The following GRK7 variants were observed in gnomAD, a reference collection of about 807,000 sequenced individuals.
GRK7 encodes the protein G protein-coupled receptor kinase 7.
Under a neutral mutation model 34.1 loss-of-function variants are expected in GRK7, and 24 were observed. The ratio of observed to expected loss-of-function variants is 0.70; its 90% CI spans 0.51 to 0.99. GRK7 has a LOEUF of 0.99. GRK7 is among the 50% of genes least tolerant of loss of function. The pLI, the probability that GRK7 is intolerant of heterozygous loss-of-function variation, is 0.00. For missense variants in GRK7, 644 were observed against 707.3 expected (o/e 0.91, Z 1.02); for synonymous variants, 256 against 279.4 (o/e 0.92, Z 0.84).
Position 141,793,663 on chromosome 3 carries a change from T to C in GRK7, c.1050+12852T>C, listed in dbSNP as rs144118429. 5.0e-3 allele frequency among the ~76,000 whole-genome samples: 757 copies of C among 152,132 alleles called. 1 individual carries two copies. The highest frequency in any genetic ancestry group is 0.017 in the African/African-American group (725 of 41,500). On this transcript the variant is annotated intron_variant, in intron 4 of 5. Transcript: ENST00000682958. ...TAAGGATGCAGTCAGTGACTGTGAGTAGCTGCCAGAAGGGGGCGGAAGCCT... is the reference window on the plus strand; with the variant it reads ...TAAGGATGCAGTCAGTGACTGTGAGCAGCTGCCAGAAGGGGGCGGAAGCCT...
chr3:141,785,214 T>C (rs1418064561), intron 4 of GRK7, among the ~76,000 whole-genome samples: 2 of 152,208 alleles, frequency 1.3e-5, no homozygotes, highest in Non-Finnish European at 2.9e-5. Flanking sequence ...CATCATGGCT[T>C]TGGAAATTTG....
rs1211610869 is a variant in GRK7, at chr3:141,806,946, G to A, written c.1051-699G>A. ...CTTATATATAGAAATAAATATGTAT[G>A]TATATATATAAAGTGAATATGTATA... On this transcript the variant is annotated intron_variant, in intron 4 of 5. Coordinates refer to ENST00000682958, the MANE Select transcript of GRK7 (RefSeq NM_139209.3). Among the ~76,000 whole-genome samples, 7 of 151,654 alleles carry A rather than the reference G, an allele frequency of 4.6e-5. No homozygotes were observed. The East Asian group carries it at 1.4e-3, about 29-fold the overall frequency.
chr3:141,812,589 C>G (rs1252204787), intron 5 of GRK7, among the ~76,000 whole-genome samples: 5 of 152,210 alleles, frequency 3.3e-5, no homozygotes, highest in Admixed American at 3.3e-4. Flanking sequence ...CCTCCAGGGG[C>G]ATCTAGTTGG....
intron 4 of GRK7, 22 bp from the exon 5 acceptor site, chr3:141,807,622 GT>G: frequency 6.2e-7 from 1 of 1,609,084 alleles, no homozygotes. Context: ...GTGTTGTCTT[GT>G]TTTTTGTTTG....
chr3:141,807,771 G>A lies in GRK7; in HGVS notation c.1177G>A (p.Asp393Asn). 6.2e-7 allele frequency: 1 copy of A among 1,614,206 alleles called. No homozygotes were observed. The highest frequency in any genetic ancestry group is 8.5e-7 in the Non-Finnish European group (1 of 1,180,032). The change falls in exon 5 of 6, where the codon GAT becomes AAT. Residue 393 changes from aspartate (D) to asparagine (N), a missense_variant. Physicochemically the swap from Asp to Asn is conservative, Grantham distance 23 (BLOSUM62 1). Coordinates refer to ENST00000682958, the MANE Select transcript of GRK7 (RefSeq NM_139209.3). Reference sequence around the variant, plus strand: ...GGTTGCTGGACGAACACCATTCAAAGATTACAAGGAAAAGGTCAGTAAAGA... The same window carrying A: ...GGTTGCTGGACGAACACCATTCAAAAATTACAAGGAAAAGGTCAGTAAAGA... ...EMVAGRTPFKDYKEKVSKEDL... is the reference protein window; with the variant it reads ...EMVAGRTPFKNYKEKVSKEDL...
rs1711052824 is a variant in GRK7, at chr3:141,807,851, C to T, written c.1257C>T (p.Phe419=). 6.2e-7 allele frequency: 1 copy of T among 1,612,594 alleles called. No homozygotes were observed. The highest frequency in any genetic ancestry group is 2.2e-5 in the East Asian group (1 of 44,858). Reference sequence around the variant, plus strand: ...AGGTCAAATTCCAGCATGATAACTTCACAGAGGAAGCAAAAGATATTTGCA... The same window carrying T: ...AGGTCAAATTCCAGCATGATAACTTTACAGAGGAAGCAAAAGATATTTGCA... ...QDEVKFQHDN[F]TEEAKDICRL... Residue 419 remains phenylalanine (F), a synonymous_variant, in exon 5 of 6, where the codon TTC becomes TTT. Transcript: ENST00000682958.
chr3:141,781,194 A>G (rs1475768913), intron 4 of GRK7, among the ~76,000 whole-genome samples: 1 of 152,098 alleles, frequency 6.6e-6, no homozygotes, highest in Non-Finnish European at 1.5e-5. Context: ...AAGGGGCTGG[A>G]CCCTAAAATT....
At chr3:141,795,156 A>G (rs2084742824) in intron 4 of GRK7, among the ~76,000 whole-genome samples, 1 of 152,220 alleles carries the variant, frequency 6.6e-6, no homozygotes, top group Non-Finnish European at 1.5e-5. Flanking sequence ...ATGAAGCCAG[A>G]CAGGTAAAGA....
In GRK7 at chr3:141,816,934, G is replaced by A; in HGVS notation, c.1546G>A (p.Ala516Thr). The A allele has an allele frequency of 6.2e-7, 1 of 1,614,102 alleles. No individual in the cohort carries two copies. Among genetic ancestry groups the A allele is most frequent in the Non-Finnish European group, 8.5e-7 (1 of 1,179,986 alleles). The change falls in exon 6 of 6, where the codon GCA becomes ACA. Residue 516 changes from alanine to threonine, a missense_variant. By Grantham distance (58) the Ala-to-Thr change is moderately conservative (BLOSUM62 0). Coordinates refer to ENST00000682958, the MANE Select transcript of GRK7 (RefSeq NM_139209.3). ...KNFATGAVPIAWQEEIIETGL... is the reference protein window; with the variant it reads ...KNFATGAVPITWQEEIIETGL... ...CTTTGCGACAGGTGCTGTTCCTATA[G>A]CATGGCAGGAAGAAATTATAGAAAC...
rs1001379356 is a variant in GRK7 at position 141,765,244 on chromosome 3, T to G, written c.-709T>G. ...GCTCACCAGGATTTGAGCCAGCTGTTCCTTCTCCCTGAAGTGCTCTACCCT... is the reference window on the plus strand; with the variant it reads ...GCTCACCAGGATTTGAGCCAGCTGTGCCTTCTCCCTGAAGTGCTCTACCCT... On this transcript the variant is annotated 5_prime_UTR_variant, in exon 1 of 6. Coordinates refer to ENST00000682958, the MANE Select transcript of GRK7 (RefSeq NM_139209.3). 6.6e-6 allele frequency among the ~76,000 whole-genome samples: 1 copy of G among 152,218 alleles called. No homozygotes were observed. Among genetic ancestry groups the G allele is most frequent in the Non-Finnish European group, 1.5e-5 (1 of 68,040 alleles).
At chr3:141,765,961 G>C (rs1279132057) in intron 1 of GRK7, among the ~76,000 whole-genome samples, 2 of 152,124 alleles carry the variant, frequency 1.3e-5, no homozygotes. Flanking sequence ...AGCTGAATCT[G>C]GTGTTCCATT....
intron 5 of GRK7, among the ~76,000 whole-genome samples, chr3:141,815,954 G>T (rs1189418134): frequency 6.6e-6 from 1 of 152,170 alleles, no homozygotes; most frequent in African/African-American, 2.4e-5. Flanking sequence ...GCCATGTCCA[G>T]ATTCTTGACC....
intron 5 of GRK7, among the ~76,000 whole-genome samples, chr3:141,810,404 C>CCCCTCTTTTCTCTCTCT (rs1711082412): frequency 2.4e-5 from 1 of 42,086 alleles, no homozygotes; most frequent in African/African-American, 1.5e-4. Flanking sequence ...TCTCTCTCTC[C>CCCCTCTTTTCTCTCTCT]CTCTCAGAGA....
intron 4 of GRK7, among the ~76,000 whole-genome samples, chr3:141,801,301 A>G (rs553104937): frequency 5.8e-5 from 7 of 121,026 alleles, no homozygotes; most frequent in Non-Finnish European, 9.8e-5. Flanking sequence ...ACAGAGCGAG[A>G]CTCCGTCTCA....
In GRK7 at chr3:141,807,762, C is replaced by A; in HGVS notation, c.1168C>A (p.Pro390Thr). 1.2e-6 allele frequency: 2 copies of A among 1,614,054 alleles called. No homozygotes were observed. The highest frequency in any genetic ancestry group is 1.7e-6 in the Non-Finnish European group (2 of 1,179,932). The change falls in exon 5 of 6, where the codon CCA becomes ACA. Residue 390 changes from proline to threonine, a missense_variant. Transcript: ENST00000682958. ...SIYEMVAGRT[P>T]FKDYKEKVSK... ...TTATGAAATGGTTGCTGGACGAACACCATTCAAAGATTACAAGGAAAAGGT... is the reference window on the plus strand; with the variant it reads ...TTATGAAATGGTTGCTGGACGAACAACATTCAAAGATTACAAGGAAAAGGT...
chr3:141,799,111 C>T (rs1448714565), intron 4 of GRK7, among the ~76,000 whole-genome samples: 2 of 151,956 alleles, frequency 1.3e-5, no homozygotes, highest in East Asian at 3.9e-4. Flanking sequence ...CAGCCTGAAA[C>T]AGGCAAAAAA....
chr3:141,778,760 A>T lies in GRK7; in HGVS notation c.476A>T (p.Gln159Leu), dbSNP rs2084655374. ...AAGGCTGAGGCCATGGCTTTCTTGC[A>T]AGAGCAGCCCTTTAAGGATTTCGTG... ...LAKAEAMAFLQEQPFKDFVTS... is the reference protein window; with the variant it reads ...LAKAEAMAFLLEQPFKDFVTS... Residue 159 changes from glutamine to leucine, a missense_variant, in exon 3 of 6, where the codon CAA becomes CTA. Physicochemically the swap from Gln to Leu is moderately radical, Grantham distance 113 (BLOSUM62 -2). Coordinates refer to ENST00000682958, the MANE Select transcript of GRK7 (RefSeq NM_139209.3). The surrounding 1 kb of genome is among the most constrained non-coding windows in gnomAD (Gnocchi z 4.1). 6.2e-7 allele frequency: 1 copy of T among 1,608,688 alleles called. No individual in the cohort carries two copies. Among genetic ancestry groups the T allele is most frequent in the East Asian group, 2.2e-5 (1 of 44,824 alleles).
At chr3:141,794,723 GACC>G (rs2084741117) in intron 4 of GRK7, among the ~76,000 whole-genome samples, 1 of 152,218 alleles carries the variant, frequency 6.6e-6, no homozygotes, top group African/African-American at 2.4e-5. Flanking sequence ...ATGGGGCTCA[GACC>G]ACAGAGGGAG....
the GRK7 span, among the ~76,000 whole-genome samples, chr3:141,751,178 C>T: frequency 1.3e-5 from 2 of 152,324 alleles, no homozygotes; most frequent in East Asian, 3.9e-4. Context: ...TGCCTACCAA[C>T]TATGTAAATT....
Sources: gnomAD v4.1 joint callset for allele counts (sites outside exome capture counted in the v4.1 genomes callset) on GRCh38, gnomAD v4.1.1 for gene constraint, Gnocchi (gnomAD v3.1) non-coding constraint, MANE v1.5 for transcripts, NCBI Gene and HGNC (gene_info 2026-07-23, HGNC 2026-07-21) for gene names.